Variants in ZNF804A observed in about 807,000 individuals in gnomAD.
ZNF804A encodes zinc finger protein 804A.
Under a neutral mutation model 16.5 loss-of-function variants are expected in ZNF804A, and 2 were observed. That is an observed-to-expected ratio of 0.12 (90% CI 0.05 to 0.38). The LOEUF is 0.38. ZNF804A is among the 10% of genes least tolerant of loss of function. The probability of loss-of-function intolerance (pLI) is 0.99; values close to 1 mark genes in which losing one functional copy is unlikely to be tolerated. For synonymous variants in ZNF804A, 534 were observed against 489.6 expected (o/e 1.09, Z -1.20); for missense variants, 1,473 against 1,390.7 (o/e 1.06, Z -0.94).
chr2:184,849,089 C>G (rs1695564513), intron 1 of ZNF804A, among the ~76,000 whole-genome samples: 1 of 152,030 alleles, frequency 6.6e-6, no homozygotes. Flanking sequence ...CTGTGACCCT[C>G]TTTAAAATCT....
chr2:184,684,110 A>T (rs1692587776), intron 1 of ZNF804A, among the ~76,000 whole-genome samples: 1 of 152,196 alleles, frequency 6.6e-6, no homozygotes, highest in Non-Finnish European at 1.5e-5. Context: ...TTTGATAAGG[A>T]AGTGGCTTCT....
At chr2:184,762,734 T>C (rs1430429015) in intron 1 of ZNF804A, among the ~76,000 whole-genome samples, 1 of 152,084 alleles carries the variant, frequency 6.6e-6, no homozygotes, top group African/African-American at 2.4e-5. Context: ...CACAATAAAA[T>C]AGTTATTATT....
intron 1 of ZNF804A, among the ~76,000 whole-genome samples, chr2:184,816,855 T>G (rs1300526421): frequency 2.0e-5 from 3 of 151,976 alleles, no homozygotes; most frequent in Non-Finnish European, 4.4e-5. Context: ...CTACCAGTAC[T>G]TTTTAATAAT....
At chr2:184,908,413 C>T (rs1685310072) in intron 2 of ZNF804A, among the ~76,000 whole-genome samples, 1 of 152,060 alleles carries the variant, frequency 6.6e-6, no homozygotes. Flanking sequence ...TACATACAGC[C>T]CAGCATGTAA....
intron 1 of ZNF804A, among the ~76,000 whole-genome samples, chr2:184,711,864 C>T (rs1225370501): frequency 6.6e-6 from 1 of 151,548 alleles, no homozygotes; most frequent in East Asian, 1.9e-4. Context: ...CATTATTATA[C>T]TGTTTTGATT....
chr2:184,872,125 T>C (rs1315174896), intron 2 of ZNF804A, among the ~76,000 whole-genome samples: 2 of 152,164 alleles, frequency 1.3e-5, no homozygotes, highest in African/African-American at 2.4e-5. Context: ...TTTCATTAGA[T>C]TGGCATTTAT....
intron 1 of ZNF804A, among the ~76,000 whole-genome samples, chr2:184,692,775 A>G (rs1692753523): frequency 1.3e-5 from 2 of 152,214 alleles, no homozygotes; most frequent in Admixed American, 6.5e-5. Flanking sequence ...TACCAATATC[A>G]TCGTAATAAT....
chr2:184,613,711 G>A (rs1427034552), intron 1 of ZNF804A, among the ~76,000 whole-genome samples: 4 of 152,004 alleles, frequency 2.6e-5, no homozygotes, highest in African/African-American at 7.3e-5. Flanking sequence ...AAAATACCTA[G>A]GAATACAACT....
At chr2:184,855,081 C>T (rs6720678) in intron 1 of ZNF804A, among the ~76,000 whole-genome samples, 9,503 of 152,070 alleles carry the variant, frequency 0.062, 1,011 homozygotes, top group African/African-American at 0.22. Context: ...AAATCTATAA[C>T]GCTGATTAAA....
At chr2:184,743,712 T>C (rs1054316004) in intron 1 of ZNF804A, among the ~76,000 whole-genome samples, 3 of 151,782 alleles carry the variant, frequency 2.0e-5, no homozygotes, top group Non-Finnish European at 2.9e-5. Context: ...ATGGGAGAAA[T>C]AAGAGACTCC....
chr2:184,903,020 T>C (rs1685211447), intron 2 of ZNF804A, among the ~76,000 whole-genome samples: 2 of 152,180 alleles, frequency 1.3e-5, no homozygotes, highest in South Asian at 4.1e-4. Context: ...TCTGAGACAA[T>C]ACAGCAGGAA....
chr2:184,788,321 G>A (rs2105777405), intron 1 of ZNF804A, among the ~76,000 whole-genome samples: 1 of 151,918 alleles, frequency 6.6e-6, no homozygotes, highest in South Asian at 2.1e-4. Flanking sequence ...TAGGTGGTCT[G>A]GCTTCTTTTC....
intron 1 of ZNF804A, among the ~76,000 whole-genome samples, chr2:184,819,617 C>G (rs1038773697): frequency 6.6e-6 from 1 of 151,154 alleles, no homozygotes; most frequent in African/African-American, 2.4e-5. Flanking sequence ...TTCAAAAAAC[C>G]AATGAATGGA....
intron 1 of ZNF804A, among the ~76,000 whole-genome samples, chr2:184,786,260 T>C (rs1427651998): frequency 6.6e-6 from 1 of 151,898 alleles, no homozygotes; most frequent in Non-Finnish European, 1.5e-5. Flanking sequence ...ATTCTCAAGC[T>C]AATCAATAAG....
At chr2:184,835,559 G>C (rs1695330605) in intron 1 of ZNF804A, among the ~76,000 whole-genome samples, 1 of 151,700 alleles carries the variant, frequency 6.6e-6, no homozygotes, top group African/African-American at 2.4e-5. Context: ...CAGAGTCCAA[G>C]CCCTGCCTCC....
chr2:184,684,477 C>T (rs1692596367), intron 1 of ZNF804A, among the ~76,000 whole-genome samples: 1 of 152,162 alleles, frequency 6.6e-6, no homozygotes, highest in Admixed American at 6.5e-5. Flanking sequence ...ATAAACCTTA[C>T]AGTCTGCAGT....
At chr2:184,896,869 T>G (rs951891277) in intron 2 of ZNF804A, among the ~76,000 whole-genome samples, 1 of 152,224 alleles carries the variant, frequency 6.6e-6, no homozygotes, top group African/African-American at 2.4e-5. Flanking sequence ...AGTTATCTTC[T>G]ATTCCTTTTG....
chr2:184,830,591 A>G lies in ZNF804A; in HGVS notation c.112-35778A>G, dbSNP rs115062086. 3.2e-3 allele frequency among the ~76,000 whole-genome samples: 482 copies of G among 152,182 alleles called. 4 individuals carry two copies. The highest frequency in any genetic ancestry group is 0.011 in the African/African-American group (459 of 41,492). ...TAAAGCAATGATGCTGTGAAATGCT[A>G]ACGTAAGTATCTGTATTTTAGTAAG... On this transcript the variant is annotated intron_variant, in intron 1 of 3. Transcript: ENST00000302277.
At chr2:184,632,247 A>G (rs188742079) in intron 1 of ZNF804A, among the ~76,000 whole-genome samples, 1 of 152,248 alleles carries the variant, frequency 6.6e-6, no homozygotes, top group Admixed American at 6.5e-5. Flanking sequence ...GAGTAATCTT[A>G]TCCATCAAGG....
Sources: allele counts gnomAD v4.1 joint callset (sites outside exome capture counted in the v4.1 genomes callset), GRCh38; gene constraint gnomAD v4.1.1; transcripts MANE v1.5; gene names NCBI Gene and HGNC (gene_info 2026-07-23, HGNC 2026-07-21).